The following DIDO1 variants were observed in gnomAD, a reference collection of about 807,000 sequenced individuals.
The protein encoded by DIDO1 is death-inducer obliterator 1.
A neutral mutation model predicts 99.4 loss-of-function variants in DIDO1; 16 were observed. That is an observed-to-expected ratio of 0.16 (90% CI 0.11 to 0.24). The LOEUF (loss-of-function observed/expected upper bound fraction) is 0.24, where lower values mean the gene tolerates loss of function less well. Ranked by LOEUF, DIDO1 falls within the 10% of genes least tolerant of loss-of-function variation. DIDO1 has a pLI of 1.00. For missense variants in DIDO1, 2,996 were observed against 3,014.0 expected (o/e 0.99, Z 0.14); for synonymous variants, 1,366 against 1,239.1 (o/e 1.10, Z -2.15).
intron 1 of DIDO1, among the ~76,000 whole-genome samples, chr20:62,919,211 A>T (rs1183175593): frequency 6.6e-6 from 1 of 152,220 alleles, no homozygotes; most frequent in Non-Finnish European, 1.5e-5. Flanking sequence ...TTCAGACGGC[A>T]AATTCAAAGT....
rs370143799 is a variant in DIDO1, at chr20:62,892,791, C to A, written c.3255+18G>T. The A allele has an allele frequency of 1.9e-6, 3 of 1,602,020 alleles. No homozygotes were observed. Among genetic ancestry groups the A allele is most frequent in the Non-Finnish European group, 1.7e-6 (2 of 1,171,250 alleles). ...TATGAAAGACACACACACGCACACA[C>A]ATTTTCTTGGTTCTAACCTCACTGA... On this transcript the variant is annotated intron_variant, in intron 13 of 15. Transcript: ENST00000395343.
At chr20:62,923,741 A>G (rs1300884016) in intron 1 of DIDO1, among the ~76,000 whole-genome samples, 1 of 152,212 alleles carries the variant, frequency 6.6e-6, no homozygotes, top group Non-Finnish European at 1.5e-5. Flanking sequence ...TTCATTTTGG[A>G]AAAAAAGTTG....
chr20:62,932,402 T>C (rs574602859), intron 1 of DIDO1, among the ~76,000 whole-genome samples: 1 of 152,354 alleles, frequency 6.6e-6, no homozygotes, highest in East Asian at 1.9e-4. Flanking sequence ...GAGAGAACTA[T>C]CCACATGTAT....
chr20:62,905,332 G>T, intron 6 of DIDO1: 1 of 1,429,196 alleles, frequency 7.0e-7, no homozygotes, highest in Non-Finnish European at 9.1e-7. Context: ...CGTGTGAATC[G>T]GACATGGAAA....
In DIDO1 at chr20:62,879,161, A is replaced by C. The variant is rs190486956; in HGVS notation, c.*72T>G. 7.5e-7 allele frequency: 1 copy of C among 1,337,346 alleles called. No individual in the cohort carries two copies. 82.8% of individuals were successfully genotyped at this position (1,337,346 alleles called of 1,614,324 possible). A position where few individuals can be genotyped will look rare whatever the true frequency, so the allele number is the denominator to read the frequency against. ...CTATCCTGAATCTAAGATCGTGGCT[A>C]TTTCAAAAGCTATTTGTTCAACGCA... On this transcript the variant is annotated 3_prime_UTR_variant, in exon 16 of 16. Coordinates refer to ENST00000395343, the MANE Select transcript of DIDO1 (RefSeq NM_001193369.2). The surrounding 1 kb of genome is among the most constrained non-coding windows in gnomAD (Gnocchi z 6.3).
rs544150962 is a variant in DIDO1, at chr20:62,921,270, A to G, written c.-200+5169T>C. On this transcript the variant is annotated intron_variant, in intron 1 of 15. Transcript: ENST00000395343. ...TTAAATGTCAAACATGGTGACTATC[A>G]ATAGATATAACAAAAGCTCTTTGGG... Among the ~76,000 whole-genome samples, 10 of 152,328 alleles carry G rather than the reference A, an allele frequency of 6.6e-5. 1 individual carries two copies. The South Asian group carries it at 2.1e-3, about 32-fold the overall frequency.
chr20:62,897,354 A>G (rs2064559208), intron 6 of DIDO1, among the ~76,000 whole-genome samples: 1 of 152,238 alleles, frequency 6.6e-6, no homozygotes, highest in African/African-American at 2.4e-5. Context: ...GATTTACAGC[A>G]GCACTATCAT....
chr20:62,937,303 G>A (rs566246402), intron 1 of DIDO1, among the ~76,000 whole-genome samples: 1 of 152,372 alleles, frequency 6.6e-6, no homozygotes, highest in East Asian at 1.9e-4. Flanking sequence ...TTCCTCCTGA[G>A]CGGACAGGCA....
Position 62,882,227 on chromosome 20 carries a change from C to G in DIDO1, c.3729G>C (p.Lys1243Asn). 1 of 1,613,718 alleles carries G rather than the reference C, an allele frequency of 6.2e-7. No individual in the cohort carries two copies. Among genetic ancestry groups the G allele is most frequent in the Middle Eastern group, 1.6e-4 (1 of 6,062 alleles). The change falls in exon 16 of 16, where the codon AAG (lysine) becomes AAC (asparagine). Residue 1243 changes from lysine (K) to asparagine (N), a missense_variant. Physicochemically the swap from Lys to Asn is moderately conservative, Grantham distance 94 (BLOSUM62 0). Transcript: ENST00000395343. ...TVPQSEKKPS[K>N]YPLCSADAAV... ...CCGCGTCTGCAGAGCAGAGTGGATA[C>G]TTGGAGGGCTTCTTTTCCGACTGCG...
At chr20:62,924,906 T>A (rs2065224102) in intron 1 of DIDO1, among the ~76,000 whole-genome samples, 2 of 152,118 alleles carry the variant, frequency 1.3e-5, no homozygotes, top group Non-Finnish European at 2.9e-5. Context: ...GATACGCGCT[T>A]TTCCAAAACA....
At chr20:62,890,582 G>A (rs539769589) in intron 15 of DIDO1, 246 of 1,037,488 alleles carry the variant, frequency 2.4e-4, no homozygotes, top group Non-Finnish European at 2.7e-4. Flanking sequence ...GCCACTTCCC[G>A]GTGTGTGCTG....
chr20:62,937,386 C>G (rs1167658518), intron 1 of DIDO1, among the ~76,000 whole-genome samples: 3 of 152,216 alleles, frequency 2.0e-5, no homozygotes, highest in Non-Finnish European at 2.9e-5. Flanking sequence ...CTCCAGTCAC[C>G]GAGTAACCCC....
At chr20:62,891,928 G>A in intron 14 of DIDO1, 59 bp downstream of exon 14, 1 of 1,406,518 alleles carries the variant, frequency 7.1e-7, no homozygotes, top group Non-Finnish European at 9.8e-7. Flanking sequence ...GTTAAAAAAA[G>A]ATGTGTTTAA....
intron 1 of DIDO1, among the ~76,000 whole-genome samples, chr20:62,921,831 T>C (rs1471254349): frequency 2.0e-5 from 3 of 150,762 alleles, no homozygotes; most frequent in Non-Finnish European, 2.9e-5. Flanking sequence ...ACAATATATA[T>C]ATACTATATA....
chr20:62,881,581 T>G lies in DIDO1; in HGVS notation c.4375A>C (p.Arg1459=). The G allele has an allele frequency of 6.2e-7, 1 of 1,611,452 alleles. No homozygotes were observed. Among genetic ancestry groups the G allele is most frequent in the South Asian group, 1.1e-5 (1 of 91,082 alleles). ...CADVRRNSVE[R]PAEPVAGAAT... is the part of the protein sequence containing the mutation. ...GCCCCGGCCACCGGCTCGGCAGGCC[T>G]CTCCACGGAGTTCCTTCTCACGTCG... Residue 1459 remains arginine, a synonymous_variant, in exon 16 of 16, where the codon AGG becomes CGG. Coordinates refer to ENST00000395343, the MANE Select transcript of DIDO1 (RefSeq NM_001193369.2). This position sits in a 1 kb window ranked among gnomAD's most constrained non-coding sequence, Gnocchi z 8.3.
In DIDO1 at chr20:62,907,378, G is replaced by T. The variant is rs1323230991; in HGVS notation, c.1162-19C>A. 3 of 1,609,018 alleles carry T rather than the reference G, an allele frequency of 1.9e-6. No homozygotes were observed. Among genetic ancestry groups the T allele is most frequent in the African/African-American group, 1.3e-5 (1 of 74,762 alleles). On this transcript the variant is annotated intron_variant, in intron 4 of 15. Transcript: ENST00000395343. Reference sequence around the variant, plus strand: ...CTATCACCTGCAGAACAAAACAGATGACTTCAAACAATGTACTTGCCAATT... The same window carrying T: ...CTATCACCTGCAGAACAAAACAGATTACTTCAAACAATGTACTTGCCAATT...
chr20:62,895,248 A>G, intron 8 of DIDO1, 83 bp from the exon 9 acceptor site: 1 of 1,329,302 alleles, frequency 7.5e-7, no homozygotes, highest in African/African-American at 1.4e-5. Flanking sequence ...ACAGCTGCCC[A>G]GAAGTTTAGC....
chr20:62,920,373 C>G (rs1023042391), intron 1 of DIDO1, among the ~76,000 whole-genome samples: 11 of 152,206 alleles, frequency 7.2e-5, no homozygotes, highest in Non-Finnish European at 1.5e-4. Flanking sequence ...CTTGCCTCCC[C>G]CCAACCCCCG....
At position 62,885,444 on chromosome 20, in the gene DIDO1, CT is replaced by C. The variant is rs148929885; in HGVS notation, c.3542-3031del. Among the ~76,000 whole-genome samples, 1,025 of 152,302 alleles carry C rather than the reference CT, an allele frequency of 6.7e-3. 5 individuals carry two copies. The highest frequency in any genetic ancestry group is 0.024 in the African/African-American group (979 of 41,548). ...TCGTGGTGTGTCACTAGAACTCAAACTTTTAATGGCTAACTTGCTTGTTAAT... is the reference window on the plus strand; with the variant it reads ...TCGTGGTGTGTCACTAGAACTCAAACTTTAATGGCTAACTTGCTTGTTAAT... On this transcript the variant is annotated intron_variant, in intron 15 of 15. Coordinates refer to ENST00000395343, the MANE Select transcript of DIDO1 (RefSeq NM_001193369.2).
Sources: gnomAD v4.1 joint callset for allele counts (sites outside exome capture counted in the v4.1 genomes callset) on GRCh38, gnomAD v4.1.1 for gene constraint, Gnocchi (gnomAD v3.1) non-coding constraint, MANE v1.5 for transcripts, NCBI Gene and HGNC (gene_info 2026-07-23, HGNC 2026-07-21) for gene names.